Variants in LIMCH1 observed in about 807,000 individuals in gnomAD.
LIMCH1 encodes LIM and calponin homology domains-containing protein 1.
In LIMCH1, 113 loss-of-function variants were observed where a neutral mutation model predicts 176.5. That is an observed-to-expected ratio of 0.64 (90% CI 0.55 to 0.75). LIMCH1 has a LOEUF of 0.75. LIMCH1 is among the 30% of genes least tolerant of loss of function. The pLI, the probability that LIMCH1 is intolerant of heterozygous loss-of-function variation, is 0.00. For synonymous variants in LIMCH1, 619 were observed against 645.9 expected (o/e 0.96, Z 0.63); for missense variants, 1,674 against 1,814.9 (o/e 0.92, Z 1.41).
intron 23 of LIMCH1, among the ~76,000 whole-genome samples, chr4:41,678,684 G>A: frequency 6.6e-6 from 1 of 152,032 alleles, no homozygotes; most frequent in South Asian, 2.1e-4. Context: ...CGTGAGTTAT[G>A]GGCCAAGGTG....
chr4:41,668,899 A>G (rs113476543), intron 21 of LIMCH1, among the ~76,000 whole-genome samples: 17,505 of 151,644 alleles, frequency 0.12, 1,335 homozygotes, highest in Middle Eastern at 0.26. Flanking sequence ...TTATAAAACC[A>G]TCAGATCTCG....
At chr4:41,693,445 T>G (rs1348346953) in intron 31 of LIMCH1, 1 of 152,048 alleles carries the variant, frequency 6.6e-6, no homozygotes, top group Non-Finnish European at 1.5e-5. Context: ...GTAGTTTAGA[T>G]TTATAATAAA....
chr4:41,564,123 C>T (rs1198758245), intron 1 of LIMCH1, among the ~76,000 whole-genome samples: 1 of 152,144 alleles, frequency 6.6e-6, no homozygotes, highest in Non-Finnish European at 1.5e-5. Context: ...TCCTTATGTA[C>T]TTTGTATGTT....
In LIMCH1 at chr4:41,420,621, G is replaced by A. The variant is rs545734107; in HGVS notation, c.96+59685G>A. On this transcript the variant is annotated intron_variant, in intron 1 of 26. Coordinates refer to the LIMCH1 transcript ENST00000313860. Reference sequence around the variant, plus strand: ...ACCACGCCTTAGGTTGACTTAACCCGATTCCTCCTCCCCAAGGAGGTGAGA... The same window carrying A: ...ACCACGCCTTAGGTTGACTTAACCCAATTCCTCCTCCCCAAGGAGGTGAGA... 5.3e-5 allele frequency among the ~76,000 whole-genome samples: 8 copies of A among 152,296 alleles called. No homozygotes were observed. In the South Asian group the frequency reaches 1.0e-3, roughly 20 times the overall value.
chr4:41,394,145 C>T (rs950839621), intron 1 of LIMCH1, among the ~76,000 whole-genome samples: 1 of 152,090 alleles, frequency 6.6e-6, no homozygotes, highest in African/African-American at 2.4e-5. Context: ...CCGTAGTGTG[C>T]TAGGCCAAAA....
At chr4:41,402,962 A>C (rs930762080) in intron 1 of LIMCH1, among the ~76,000 whole-genome samples, 3 of 146,204 alleles carry the variant, frequency 2.1e-5, no homozygotes, top group Non-Finnish European at 4.4e-5. Flanking sequence ...TGTACCCTAA[A>C]AGGTAAAGTA....
chr4:41,460,458 CTATATATA>C lies in LIMCH1; in HGVS notation c.97-34064_97-34057del, dbSNP rs57517524. 4.0e-4 allele frequency among the ~76,000 whole-genome samples: 44 copies of C among 110,552 alleles called. 3 individuals carry two copies. Among genetic ancestry groups the C allele is most frequent in the African/African-American group, 1.7e-3 (43 of 25,240 alleles). The allele number at this position is 110,552 out of a possible 152,430, so 72.5% of individuals were successfully genotyped here. A position where few individuals can be genotyped will look rare whatever the true frequency, so the allele number is the denominator to read the frequency against. On this transcript the variant is annotated intron_variant, in intron 1 of 26. Coordinates refer to the LIMCH1 transcript ENST00000313860. The stretch of plus-strand genomic sequence containing the variant: ...AAATTTGTTCCACTATAGTAATCAT[CTATATATA>C]TATATATATATATCTTATAATATCA...
chr4:41,414,560 G>A (rs1343762092), intron 1 of LIMCH1, among the ~76,000 whole-genome samples: 1 of 152,148 alleles, frequency 6.6e-6, no homozygotes, highest in Non-Finnish European at 1.5e-5. Flanking sequence ...GATACCGGGC[G>A]ATTGACATTT....
At chr4:41,392,422 G>A (rs1224401258) in intron 1 of LIMCH1, among the ~76,000 whole-genome samples, 1 of 152,136 alleles carries the variant, frequency 6.6e-6, no homozygotes, top group Non-Finnish European at 1.5e-5. Flanking sequence ...AAACTCAATG[G>A]ATATTTTGGA....
intron 14 of LIMCH1, among the ~76,000 whole-genome samples, chr4:41,639,982 C>T (rs1467411174): frequency 6.6e-6 from 1 of 152,180 alleles, no homozygotes; most frequent in African/African-American, 2.4e-5. Context: ...CCACCAATGA[C>T]AATGAGATTA....
rs73140674 is a variant in LIMCH1 at position 41,452,891 on chromosome 4, T to C, written c.97-41645T>C. On this transcript the variant is annotated intron_variant, in intron 1 of 26. Transcript: ENST00000313860. ...TGCCCTCAATAGATTAGCTGGTTCT[T>C]GAGGGTGGAGAAGATCTTCCTCATC... Among the ~76,000 whole-genome samples, 646 of 152,340 alleles carry C rather than the reference T, an allele frequency of 4.2e-3. 5 individuals carry two copies. The highest frequency in any genetic ancestry group is 0.015 in the African/African-American group (621 of 41,574).
chr4:41,526,558 T>C (rs936885900), intron 3 of LIMCH1, among the ~76,000 whole-genome samples: 2 of 152,080 alleles, frequency 1.3e-5, no homozygotes, highest in African/African-American at 4.8e-5. Flanking sequence ...ACTTCCACGG[T>C]TCTCGCGTCA....
chr4:41,667,737 G>A (rs532349721), intron 21 of LIMCH1, among the ~76,000 whole-genome samples: 3 of 152,272 alleles, frequency 2.0e-5, no homozygotes, highest in East Asian at 3.9e-4. Context: ...CCTGAGGGAT[G>A]TGAACAGTGG....
At chr4:41,472,613 G>T (rs7661171) in intron 1 of LIMCH1, among the ~76,000 whole-genome samples, 70,637 of 151,564 alleles carry the variant, frequency 0.47, 18,836 homozygotes, top group African/African-American at 0.74. Context: ...AGAGATGGGT[G>T]TTGCCATGTT....
In LIMCH1 at chr4:41,661,402, A is replaced by G. The variant is rs754465670; in HGVS notation, c.3037-18A>G. On this transcript the variant is annotated intron_variant, in intron 18 of 31. Coordinates refer to ENST00000503057, the MANE Select transcript of LIMCH1 (RefSeq NM_001330672.2). ...AAAGGAATCATTTATTCAAGGGGGA[A>G]AAAAATCTCTTTTTCAGGCAACCAC... 1.4e-4 allele frequency: 213 copies of G among 1,560,112 alleles called. No homozygotes were observed. The highest frequency in any genetic ancestry group is 1.8e-4 in the Non-Finnish European group (202 of 1,139,606).
At chr4:41,696,415 G>A (rs1219442169) in intron 31 of LIMCH1, among the ~76,000 whole-genome samples, 1 of 152,150 alleles carries the variant, frequency 6.6e-6, no homozygotes, top group East Asian at 1.9e-4. Context: ...GCCTAAAAAG[G>A]AGAAATCCTG....
At chr4:41,381,191 G>T (rs538041031) in intron 1 of LIMCH1, among the ~76,000 whole-genome samples, 1 of 152,314 alleles carries the variant, frequency 6.6e-6, no homozygotes, top group East Asian at 1.9e-4. Flanking sequence ...CCAAGTGAGT[G>T]ATTCTCAGTC....
At chr4:41,671,454 G>A in intron 21 of LIMCH1, 100 bp from the exon 22 acceptor site, 1 of 806,670 alleles carries the variant, frequency 1.2e-6, no homozygotes, top group Non-Finnish European at 2.0e-6. Context: ...TTGGTTTAAA[G>A]CTGATGTAGG....
intron 4 of LIMCH1, among the ~76,000 whole-genome samples, chr4:41,608,003 C>A (rs1480961415): frequency 5.3e-5 from 8 of 152,108 alleles, no homozygotes; most frequent in Non-Finnish European, 1.2e-4. Context: ...AACACAAAAG[C>A]CTCAAAATAA....
Sources: gnomAD v4.1 joint callset for allele counts (sites outside exome capture counted in the v4.1 genomes callset) on GRCh38, gnomAD v4.1.1 for gene constraint, MANE v1.5 for transcripts, NCBI Gene and HGNC (gene_info 2026-07-23, HGNC 2026-07-21) for gene names.